Variants in SCMH1 observed in about 807,000 individuals in gnomAD.
SCMH1 encodes the protein polycomb protein SCMH1.
In SCMH1, 37 loss-of-function variants were observed where a neutral mutation model predicts 70.8. That is an observed-to-expected ratio of 0.52 (90% confidence interval 0.40 to 0.69). The LOEUF is 0.69. Among genes scored for constraint, SCMH1 ranks in the 30% least tolerant of loss-of-function variants. The probability of loss-of-function intolerance (pLI) is 0.00; values close to 1 mark genes in which losing one functional copy is unlikely to be tolerated. For missense variants in SCMH1, 607 were observed against 827.3 expected, an observed-to-expected ratio of 0.73 and a Z score of 3.27; for synonymous variants, 292 against 307.4, an observed-to-expected ratio of 0.95 and a Z score of 0.52.
At chr1:41,118,708 A>G (rs1217613752) in intron 6 of SCMH1, among the ~76,000 whole-genome samples, 1 of 152,244 alleles carries the variant, frequency 6.6e-6, no homozygotes, top group Non-Finnish European at 1.5e-5. Context: ...AATGAATTGT[A>G]AAAATAAGAT....
intron 13 of SCMH1, among the ~76,000 whole-genome samples, chr1:41,033,221 G>A (rs1644798958): frequency 6.6e-6 from 1 of 151,918 alleles, no homozygotes; most frequent in Non-Finnish European, 1.5e-5. Context: ...AGGAGGCTGA[G>A]GTTGCAATGA....
At chr1:41,200,449 C>T (rs1654053097) in intron 1 of SCMH1, among the ~76,000 whole-genome samples, 1 of 151,418 alleles carries the variant, frequency 6.6e-6, no homozygotes, top group Non-Finnish European at 1.5e-5. Flanking sequence ...CACTGCACTC[C>T]AGCCTGAGCG....
chr1:41,231,474 C>A (rs1661283135), intron 1 of SCMH1, among the ~76,000 whole-genome samples: 1 of 152,072 alleles, frequency 6.6e-6, no homozygotes, highest in Non-Finnish European at 1.5e-5. Context: ...GTACTATTTC[C>A]CCTACTACTA....
chr1:41,212,953 A>T (rs1657347727), intron 1 of SCMH1, among the ~76,000 whole-genome samples: 3 of 152,208 alleles, frequency 2.0e-5, no homozygotes, highest in African/African-American at 7.2e-5. Flanking sequence ...TAAATTTGAC[A>T]TTAAAAAAGA....
chr1:41,070,531 C>A, intron 10 of SCMH1, 64 bp downstream of exon 10: 2 of 1,593,736 alleles, frequency 1.3e-6, no homozygotes, highest in South Asian at 1.1e-5. Flanking sequence ...TGGTGTAAGA[C>A]AAAAGAAAGT....
chr1:41,178,587 A>G (rs1572867077), intron 2 of SCMH1, among the ~76,000 whole-genome samples: 1 of 152,336 alleles, frequency 6.6e-6, no homozygotes, highest in African/African-American at 2.4e-5. Flanking sequence ...TTGCAATCCT[A>G]GTCTCTGATA....
chr1:41,133,983 A>G (rs916449887), intron 6 of SCMH1, among the ~76,000 whole-genome samples: 1 of 152,212 alleles, frequency 6.6e-6, no homozygotes, highest in African/African-American at 2.4e-5. Context: ...ACAACAAAAA[A>G]ACAGAATTTT....
At chr1:41,223,283 C>G (rs1251797107) in intron 1 of SCMH1, among the ~76,000 whole-genome samples, 1 of 152,164 alleles carries the variant, frequency 6.6e-6, no homozygotes, top group Non-Finnish European at 1.5e-5. Flanking sequence ...GCAAATAATT[C>G]CTGTCCACTG....
chr1:41,108,020 C>T (rs537389338), intron 8 of SCMH1, among the ~76,000 whole-genome samples: 7 of 152,136 alleles, frequency 4.6e-5, no homozygotes, highest in Non-Finnish European at 8.8e-5. Context: ...GAATCCTGTA[C>T]GTGAGCCACG....
At chr1:41,202,572 A>T (rs1654614109) in intron 1 of SCMH1, among the ~76,000 whole-genome samples, 1 of 152,130 alleles carries the variant, frequency 6.6e-6, no homozygotes, top group Non-Finnish European at 1.5e-5. Context: ...ATTTCATCGA[A>T]ATCATTAATG....
At chr1:41,223,388 G>A (rs1659659748) in intron 1 of SCMH1, among the ~76,000 whole-genome samples, 1 of 152,136 alleles carries the variant, frequency 6.6e-6, no homozygotes, top group African/African-American at 2.4e-5. Context: ...AGCATTCCCT[G>A]ACAATAAATA....
At chr1:41,233,224 T>C (rs1454392212) in intron 1 of SCMH1, among the ~76,000 whole-genome samples, 2 of 152,288 alleles carry the variant, frequency 1.3e-5, no homozygotes, top group East Asian at 3.9e-4. Context: ...CATATATATA[T>C]AAGCCATATA....
chr1:41,221,495 C>CA (rs370043958), intron 1 of SCMH1, among the ~76,000 whole-genome samples: 104 of 122,058 alleles, frequency 8.5e-4, no homozygotes, highest in African/African-American at 2.3e-3. Flanking sequence ...TCTACAAAAA[C>CA]AAAAAAAAAA....
chr1:41,169,433 G>A (rs1242002877), intron 2 of SCMH1, among the ~76,000 whole-genome samples: 1 of 152,126 alleles, frequency 6.6e-6, no homozygotes, highest in Non-Finnish European at 1.5e-5. Flanking sequence ...CTGCTCAGAG[G>A]AGGTATAACC....
intron 6 of SCMH1, among the ~76,000 whole-genome samples, chr1:41,128,209 T>C (rs1673701556): frequency 6.6e-6 from 1 of 152,204 alleles, no homozygotes; most frequent in Admixed American, 6.5e-5. Context: ...TAGCTATTTT[T>C]GAATTATTAT....
intron 1 of SCMH1, among the ~76,000 whole-genome samples, chr1:41,204,699 C>A (rs1431687804): frequency 6.6e-6 from 1 of 152,194 alleles, no homozygotes; most frequent in Non-Finnish European, 1.5e-5. Flanking sequence ...AAGTAGTCAC[C>A]TAGACCCTTT....
At chr1:41,226,812 A>G (rs1042448709) in intron 1 of SCMH1, among the ~76,000 whole-genome samples, 2 of 152,262 alleles carry the variant, frequency 1.3e-5, no homozygotes, top group Non-Finnish European at 2.9e-5. Flanking sequence ...AATGTGCAAC[A>G]TGGAGATTAT....
chr1:41,032,676 G>A (rs11209376), intron 13 of SCMH1, among the ~76,000 whole-genome samples: 129,333 of 152,122 alleles, frequency 0.85, 55,480 homozygotes, highest in East Asian at 0.97. Context: ...ACATGGAGAG[G>A]CCAGTTAAGA....
intron 2 of SCMH1, among the ~76,000 whole-genome samples, chr1:41,176,113 A>T (rs1356569518): frequency 6.6e-6 from 1 of 151,090 alleles, no homozygotes; most frequent in Non-Finnish European, 1.5e-5. Flanking sequence ...TTCAAAAGCA[A>T]CCAATGCAAT....
Sources: gnomAD v4.1 joint callset for allele counts (sites outside exome capture counted in the v4.1 genomes callset) on GRCh38, gnomAD v4.1.1 for gene constraint, MANE v1.5 for transcripts, NCBI Gene and HGNC (gene_info 2026-07-23, HGNC 2026-07-21) for gene names.